CRACDL: variants seen among roughly 807,000 people sequenced by gnomAD.
The protein encoded by CRACDL is CRACD like.
A neutral mutation model predicts 70.6 loss-of-function variants in CRACDL; 26 were observed. That is an observed-to-expected ratio of 0.37 (90% CI 0.27 to 0.51). CRACDL has a LOEUF of 0.51. CRACDL is among the 20% of genes least tolerant of loss of function. The pLI is 0.94. For synonymous variants in CRACDL, 618 were observed against 615.2 expected (o/e 1.00, Z -0.07); for missense variants, 1,283 against 1,376.9 (o/e 0.93, Z 1.08).
chr2:98,905,642 T>C (rs1357096940), intron 1 of CRACDL, among the ~76,000 whole-genome samples: 2 of 151,652 alleles, frequency 1.3e-5, no homozygotes, highest in African/African-American at 4.8e-5. Flanking sequence ...TTTTTTTTTT[T>C]TTTTGAGACA....
intron 1 of CRACDL, among the ~76,000 whole-genome samples, chr2:98,924,212 A>G (rs907939814): frequency 2.0e-5 from 3 of 152,194 alleles, no homozygotes; most frequent in Non-Finnish European, 4.4e-5. Context: ...CCACGTGACC[A>G]CTGACCAAGT....
intron 1 of CRACDL, among the ~76,000 whole-genome samples, chr2:98,889,231 GAAA>G (rs1232451663): frequency 1.2e-4 from 17 of 147,084 alleles, no homozygotes; most frequent in African/African-American, 4.0e-4. Flanking sequence ...AGGAAAGAAA[GAAA>G]GAAAAAGAAA....
intron 7 of CRACDL, among the ~76,000 whole-genome samples, chr2:98,814,460 A>G (rs1704702594): frequency 6.6e-6 from 1 of 152,110 alleles, no homozygotes; most frequent in Non-Finnish European, 1.5e-5. Context: ...TCTTTTTCAT[A>G]TTTCTTTCCA....
At chr2:98,922,494 C>T (rs1414156982) in intron 1 of CRACDL, among the ~76,000 whole-genome samples, 1 of 151,834 alleles carries the variant, frequency 6.6e-6, no homozygotes, top group African/African-American at 2.4e-5. Flanking sequence ...AAAACACTTT[C>T]ACAAGCCTCT....
chr2:98,866,475 CTTT>C (rs1173322192), intron 1 of CRACDL, among the ~76,000 whole-genome samples: 3 of 43,226 alleles, frequency 6.9e-5, no homozygotes, highest in Non-Finnish European at 1.3e-4. Flanking sequence ...ATCACTTCTT[CTTT>C]TTTTTTTTTT....
intron 1 of CRACDL, among the ~76,000 whole-genome samples, chr2:98,847,386 C>T (rs12617554): frequency 0.037 from 5,582 of 152,220 alleles, 184 homozygotes; most frequent in South Asian, 0.16. Flanking sequence ...TATTTATTTA[C>T]ATTGAAATTC....
Position 98,821,894 on chromosome 2 carries a change from G to T in CRACDL, c.2379C>A (p.Pro793=). Residue 793 remains proline (P), a synonymous_variant, in exon 7 of 10, where the codon CCC becomes CCA. Transcript: ENST00000397899. ...GPGEREPRKE[P]RTAEKRPLRR... ...GCAGCGGCCTTTTCTCCGCCGTCCT[G>T]GGCTCCTTCCTGGGTTCCCGCTCTC... 2 of 1,604,978 alleles carry T rather than the reference G, an allele frequency of 1.2e-6. No homozygotes were observed. Among genetic ancestry groups the T allele is most frequent in the Non-Finnish European group, 8.5e-7 (1 of 1,178,090 alleles).
At chr2:98,847,210 GTTTTCATTTCCTTCCAA>G (rs1388779592) in intron 1 of CRACDL, among the ~76,000 whole-genome samples, 1 of 152,148 alleles carries the variant, frequency 6.6e-6, no homozygotes, top group Non-Finnish European at 1.5e-5. Flanking sequence ...CACAGTTAAT[GTTTTCATTTCCTTCCAA>G]TAATTTTTTA....
chr2:98,907,536 C>T (rs1203026245), intron 1 of CRACDL, among the ~76,000 whole-genome samples: 2 of 152,174 alleles, frequency 1.3e-5, no homozygotes, highest in African/African-American at 2.4e-5. Context: ...TCTCCACTAC[C>T]ATCCCCGCAA....
chr2:98,923,626 T>C (rs1708852318), intron 1 of CRACDL, among the ~76,000 whole-genome samples: 1 of 152,228 alleles, frequency 6.6e-6, no homozygotes, highest in South Asian at 2.1e-4. Flanking sequence ...AAATCAATAC[T>C]AGGTCACATA....
intron 7 of CRACDL, among the ~76,000 whole-genome samples, chr2:98,817,246 AGTTAT>A (rs1446257552): frequency 1.3e-5 from 2 of 152,182 alleles, no homozygotes; most frequent in Admixed American, 6.5e-5. Context: ...ATAAAGTTTC[AGTTAT>A]GTTAAGAAGA....
intron 7 of CRACDL, among the ~76,000 whole-genome samples, chr2:98,812,942 T>TA (rs375067411): frequency 2.0e-5 from 3 of 152,320 alleles, no homozygotes; most frequent in African/African-American, 7.2e-5. Context: ...CCTAGCCCTA[T>TA]ATCCCAAATA....
chr2:98,924,807 C>A (rs1365397879), intron 1 of CRACDL, among the ~76,000 whole-genome samples: 1 of 152,198 alleles, frequency 6.6e-6, no homozygotes. Context: ...CTTAGCCCCC[C>A]AAAAAGGGGG....
At chr2:98,896,753 T>C (rs954790253) in intron 1 of CRACDL, among the ~76,000 whole-genome samples, 1 of 152,154 alleles carries the variant, frequency 6.6e-6, no homozygotes, top group African/African-American at 2.4e-5. Context: ...GTTGTTGTTG[T>C]TCTGTTTTGT....
chr2:98,904,117 G>A (rs899894312), intron 1 of CRACDL, among the ~76,000 whole-genome samples: 12 of 152,224 alleles, frequency 7.9e-5, no homozygotes, highest in Non-Finnish European at 1.6e-4. Flanking sequence ...GATCCCTAGA[G>A]AGTTATACAA....
chr2:98,828,413 C>G (rs189640015), intron 5 of CRACDL, among the ~76,000 whole-genome samples: 2 of 152,284 alleles, frequency 1.3e-5, no homozygotes, highest in East Asian at 3.9e-4. Context: ...TCAGTAAGCC[C>G]TCATGAAAAC....
At chr2:98,812,036 C>A (rs1471797846) in intron 7 of CRACDL, among the ~76,000 whole-genome samples, 1 of 152,200 alleles carries the variant, frequency 6.6e-6, no homozygotes, top group Non-Finnish European at 1.5e-5. Flanking sequence ...GTTGCAGTGG[C>A]ACAATCTCTG....
chr2:98,890,278 G>A (rs1707927107), intron 1 of CRACDL, among the ~76,000 whole-genome samples: 1 of 152,104 alleles, frequency 6.6e-6, no homozygotes, highest in African/African-American at 2.4e-5. Context: ...AAGAAGAAAG[G>A]AGAGAAGGCT....
intron 7 of CRACDL, among the ~76,000 whole-genome samples, chr2:98,805,408 A>T (rs1276748738): frequency 6.6e-6 from 1 of 152,122 alleles, no homozygotes; most frequent in Non-Finnish European, 1.5e-5. Flanking sequence ...AGCTGTTTCC[A>T]CACTGCAATT....
Sources: gnomAD v4.1 joint callset for allele counts (sites outside exome capture counted in the v4.1 genomes callset) on GRCh38, gnomAD v4.1.1 for gene constraint, MANE v1.5 for transcripts, NCBI Gene and HGNC (gene_info 2026-07-23, HGNC 2026-07-21) for gene names.